The following INPP5A variants were observed in gnomAD, a reference collection of about 807,000 sequenced individuals.
The protein encoded by INPP5A is 43 kDa inositol polyphosphate 5-phophatase.
In INPP5A, 14 loss-of-function variants were observed where a neutral mutation model predicts 65.2. The ratio of observed to expected loss-of-function variants is 0.21; its 90% CI spans 0.14 to 0.34. INPP5A has a LOEUF of 0.34. Among genes scored for constraint, INPP5A ranks in the 10% least tolerant of loss-of-function variants. INPP5A has a pLI of 1.00. For missense variants in INPP5A, 431 were observed against 545.6 expected (o/e 0.79, Z 2.09); for synonymous variants, 207 against 208.3 (o/e 0.99, Z 0.05).
At chr10:132,726,650 T>C (rs1845990869) in intron 8 of INPP5A, among the ~76,000 whole-genome samples, 171 bp from the exon 9 acceptor site, 1 of 151,622 alleles carries the variant, frequency 6.6e-6, no homozygotes, top group African/African-American at 2.4e-5. Flanking sequence ...CTATTGGGGG[T>C]GGTCTCAGAG....
intron 9 of INPP5A, among the ~76,000 whole-genome samples, chr10:132,728,131 G>A (rs144798965): frequency 2.4e-4 from 36 of 152,324 alleles, no homozygotes; most frequent in Non-Finnish European, 4.1e-4. Context: ...ACATTTGGCC[G>A]TGCTGGTGGC....
intron 2 of INPP5A, among the ~76,000 whole-genome samples, chr10:132,610,286 T>A (rs751003008): frequency 6.6e-6 from 1 of 151,912 alleles, no homozygotes; most frequent in Non-Finnish European, 1.5e-5. Flanking sequence ...CCCTGGCAAT[T>A]GTTTCCCTGT....
rs1009091236 is a variant in INPP5A, at chr10:132,653,370, C to T, written c.306+2865C>T. 4.6e-5 allele frequency among the ~76,000 whole-genome samples: 7 copies of T among 152,226 alleles called. No individual in the cohort carries two copies. In the South Asian group the frequency reaches 1.0e-3, roughly 23 times the overall value. On this transcript the variant is annotated intron_variant, in intron 4 of 15. Transcript: ENST00000368594. The stretch of plus-strand genomic sequence containing the variant: ...CAGGGTTTTCCAGGTGGGTCCGGAG[C>T]GGCCTGTGCTTAAGGGCTCAGGTCC...
chr10:132,540,841 G>A (rs940081545), intron 1 of INPP5A, among the ~76,000 whole-genome samples: 15 of 152,216 alleles, frequency 9.9e-5, no homozygotes, highest in African/African-American at 3.4e-4. Flanking sequence ...TGCTGGAGCC[G>A]GTCACAGTTC....
At chr10:132,653,386 G>A (rs1017784381) in intron 4 of INPP5A, among the ~76,000 whole-genome samples, 3 of 152,202 alleles carry the variant, frequency 2.0e-5, no homozygotes, top group Admixed American at 6.5e-5. Context: ...GTGCTTAAGG[G>A]CTCAGGTCCA....
rs189659780 is a variant in INPP5A, at chr10:132,551,871, C to T, written c.75+13700C>T. On this transcript the variant is annotated intron_variant, in intron 1 of 15. Transcript: ENST00000368594. The surrounding 1 kb of genome is among the most constrained non-coding windows in gnomAD (Gnocchi z 5.3). The stretch of plus-strand genomic sequence containing the variant: ...CTGCACGATTAAACTGGGTTCTGCT[C>T]GGGGAGTCCCTGGGGTTTGGAGCTC... Among the ~76,000 whole-genome samples the T allele has an allele frequency of 1.5e-4, 23 of 152,330 alleles. No individual in the cohort carries two copies. Among genetic ancestry groups the T allele is most frequent in the East Asian group, 3.9e-4 (2 of 5,186 alleles).
intron 5 of INPP5A, among the ~76,000 whole-genome samples, chr10:132,696,401 TC>T (rs1845344581): frequency 6.6e-6 from 1 of 152,190 alleles, no homozygotes; most frequent in African/African-American, 2.4e-5. Flanking sequence ...AGCCTGCACT[TC>T]CTGACTTCAA....
intron 11 of INPP5A, among the ~76,000 whole-genome samples, chr10:132,763,622 T>C (rs1280768001): frequency 6.6e-6 from 1 of 151,062 alleles, no homozygotes; most frequent in Non-Finnish European, 1.5e-5. Flanking sequence ...CACACATGCC[T>C]GTGCACACAT....
At chr10:132,619,507 T>C (rs1326071916) in intron 2 of INPP5A, among the ~76,000 whole-genome samples, 1 of 152,146 alleles carries the variant, frequency 6.6e-6, no homozygotes, top group East Asian at 1.9e-4. Flanking sequence ...CCAGTGGATA[T>C]ACCATTTTGG....
At chr10:132,661,980 TC>T (rs1283454840) in intron 4 of INPP5A, among the ~76,000 whole-genome samples, 6 of 152,316 alleles carry the variant, frequency 3.9e-5, no homozygotes, top group African/African-American at 1.4e-4. Context: ...AAAACTCACT[TC>T]AATTGTTACT....
chr10:132,722,703 G>A (rs1009901473), intron 8 of INPP5A, among the ~76,000 whole-genome samples: 6 of 152,214 alleles, frequency 3.9e-5, no homozygotes, highest in Non-Finnish European at 8.8e-5. Context: ...GGGACGATGA[G>A]GCAGCCCCTC....
chr10:132,556,282 C>G (rs1284738886), intron 1 of INPP5A, among the ~76,000 whole-genome samples: 4 of 152,214 alleles, frequency 2.6e-5, no homozygotes, highest in Non-Finnish European at 5.9e-5. Context: ...CGAGTGAACA[C>G]ACCAGAATGC....
At chr10:132,722,160 G>A (rs1177493344) in intron 8 of INPP5A, among the ~76,000 whole-genome samples, 2 of 152,180 alleles carry the variant, frequency 1.3e-5, no homozygotes, top group Non-Finnish European at 2.9e-5. Context: ...TGTTTGATCA[G>A]AGAATGTGGT....
intron 2 of INPP5A, among the ~76,000 whole-genome samples, chr10:132,635,809 TAA>T (rs796699395): frequency 2.1e-5 from 3 of 143,068 alleles, no homozygotes; most frequent in Non-Finnish European, 3.1e-5. Flanking sequence ...CTCGAAGATT[TAA>T]AAAAAAAAAA....
chr10:132,731,988 G>A (rs549289212), intron 9 of INPP5A, among the ~76,000 whole-genome samples: 7 of 152,380 alleles, frequency 4.6e-5, no homozygotes, highest in South Asian at 4.1e-4. Context: ...CCCAACAGAC[G>A]TAGATGCCAC....
At position 132,726,201 on chromosome 10, in the gene INPP5A, T is replaced by C. The variant is rs11146479; in HGVS notation, c.648-620T>C. Among the ~76,000 whole-genome samples the C allele has an allele frequency of 9.8e-5, 15 of 152,330 alleles. No individual in the cohort carries two copies. In the East Asian group the frequency reaches 2.5e-3, roughly 25 times the overall value. On this transcript the variant is annotated intron_variant, in intron 8 of 15. Transcript: ENST00000368594. The stretch of plus-strand genomic sequence containing the variant: ...GTACAGCTGTACCTGGCTAAAAACA[T>C]ACACACACGTATGCAGCCACTGTTA...
intron 4 of INPP5A, among the ~76,000 whole-genome samples, chr10:132,661,285 T>G (rs969084256): frequency 6.6e-6 from 1 of 152,210 alleles, no homozygotes; most frequent in East Asian, 1.9e-4. Flanking sequence ...CAAAATGAAG[T>G]GCTTTCATGA....
intron 1 of INPP5A, among the ~76,000 whole-genome samples, chr10:132,542,962 C>A (rs754712422): frequency 1.1e-4 from 16 of 152,064 alleles, no homozygotes; most frequent in Non-Finnish European, 2.2e-4. Context: ...GCTACCACAC[C>A]CAGCTGATTT....
chr10:132,649,127 G>T (rs758399728), intron 3 of INPP5A, among the ~76,000 whole-genome samples: 19 of 152,240 alleles, frequency 1.2e-4, no homozygotes, highest in African/African-American at 4.6e-4. Context: ...TTAAGTGGCT[G>T]GGCTCTTTTC....
Sources: allele counts gnomAD v4.1 joint callset (sites outside exome capture counted in the v4.1 genomes callset), GRCh38; gene constraint gnomAD v4.1.1; non-coding constraint Gnocchi (gnomAD v3.1); transcripts MANE v1.5; gene names NCBI Gene and HGNC (gene_info 2026-07-23, HGNC 2026-07-21).